The following RUFY2 variants were observed in gnomAD, a reference collection of about 807,000 sequenced individuals.
RUFY2 encodes the protein RUN and FYVE domain-containing protein 2.
Under a neutral mutation model 94.4 loss-of-function variants are expected in RUFY2, and 49 were observed. The ratio of observed to expected loss-of-function variants is 0.52; its 90% CI spans 0.41 to 0.66. The LOEUF is 0.66. Among genes scored for constraint, RUFY2 ranks in the 30% least tolerant of loss-of-function variants. The pLI is 0.00. For synonymous variants in RUFY2, 255 were observed against 235.7 expected, an observed-to-expected ratio of 1.08 and a Z score of -0.75; for missense variants, 541 against 692.8, an observed-to-expected ratio of 0.78 and a Z score of 2.46.
intron 4 of RUFY2, among the ~76,000 whole-genome samples, chr10:68,395,507 A>C (rs763826128): frequency 6.6e-6 from 1 of 152,242 alleles, no homozygotes; most frequent in Admixed American, 6.6e-5. Flanking sequence ...GAAAATGAAC[A>C]TATGCAACAT....
At chr10:68,359,370 GTA>G (rs1249609820) in intron 15 of RUFY2, among the ~76,000 whole-genome samples, 4 of 148,890 alleles carry the variant, frequency 2.7e-5, no homozygotes, top group East Asian at 2.0e-4. Flanking sequence ...ATACATATAC[GTA>G]TATATGTGTG....
chr10:68,355,578 A>G (rs1323105161), intron 15 of RUFY2, 177 bp from the exon 16 acceptor site: 2 of 461,446 alleles, frequency 4.3e-6, no homozygotes, highest in Admixed American at 8.2e-5. Context: ...TAAATGTCCT[A>G]AAGCAAAAAT....
chr10:68,387,244 C>G (rs2049575634), intron 7 of RUFY2, among the ~76,000 whole-genome samples: 1 of 152,006 alleles, frequency 6.6e-6, no homozygotes, highest in Non-Finnish European at 1.5e-5. Flanking sequence ...GTAATCCCAG[C>G]TACTTGGGTG....
Position 68,351,481 on chromosome 10 carries a change from GCT to G in RUFY2, c.1599+3870_1599+3871del, listed in dbSNP as rs537146280. ...TTTTTTTTTTTTGAGACGGAATCTTGCTCTGTCGCCCAGGCGGGAGTGCAGTG... is the reference window on the plus strand; with the variant it reads ...TTTTTTTTTTTTGAGACGGAATCTTGCTGTCGCCCAGGCGGGAGTGCAGTG... On this transcript the variant is annotated intron_variant, in intron 16 of 17. Transcript: ENST00000602465. Among the ~76,000 whole-genome samples the G allele has an allele frequency of 1.5e-4, 17 of 112,010 alleles. 1 individual carries two copies. The South Asian group carries it at 4.7e-3, about 31-fold the overall frequency. 73.5% of individuals were successfully genotyped at this position (112,010 alleles called of 152,430 possible).
rs1251811723 is a variant in RUFY2, at chr10:68,344,153, GCTGA to G, written c.*1611_*1614del. 6.6e-6 allele frequency: 1 copy of G among 152,064 alleles called. No individual in the cohort carries two copies. Among genetic ancestry groups the G allele is most frequent in the African/African-American group, 2.4e-5 (1 of 41,414 alleles). The allele number at this position is 152,064 out of a possible 1,614,324, so 9.4% of individuals were successfully genotyped here. On this transcript the variant is annotated 3_prime_UTR_variant, in exon 18 of 18. Coordinates refer to ENST00000602465, the MANE Select transcript of RUFY2 (RefSeq NM_001330103.2). ...CTGTGTCACATCTGACACCTCAAAAGCTGACTGGAAATTTACGGGTTTTGGAAAA... is the reference window on the plus strand; with the variant it reads ...CTGTGTCACATCTGACACCTCAAAAGCTGGAAATTTACGGGTTTTGGAAAA...
intron 13 of RUFY2, among the ~76,000 whole-genome samples, chr10:68,372,911 A>G (rs1318427541): frequency 6.6e-6 from 1 of 152,028 alleles, no homozygotes; most frequent in Non-Finnish European, 1.5e-5. Context: ...CTGTATCAAA[A>G]AAAAAAAAGA....
intron 16 of RUFY2, 72 bp from the exon 17 acceptor site, chr10:68,346,156 G>T: frequency 1.8e-6 from 2 of 1,140,516 alleles, no homozygotes; most frequent in South Asian, 2.8e-5. Flanking sequence ...TTTCCCCCAA[G>T]AACATTATTT....
intron 4 of RUFY2, among the ~76,000 whole-genome samples, chr10:68,395,622 T>C (rs1589976133): frequency 6.6e-6 from 1 of 152,136 alleles, no homozygotes; most frequent in African/African-American, 2.4e-5. Context: ...CTAAAAACTG[T>C]TGAAAAAGAG....
In RUFY2 at chr10:68,398,284, A is replaced by G. The variant is rs191098344; in HGVS notation, c.297-1403T>C. Among the ~76,000 whole-genome samples the G allele has an allele frequency of 1.6e-4, 24 of 152,284 alleles. 1 individual carries two copies. The highest frequency in any genetic ancestry group is 8.5e-4 in the Admixed American group (13 of 15,284). ...ATCACTGTGCTGCTTACTGGTTTTC[A>G]AATGTTTCTTTAATTTGGTTGCATT... is the stretch of plus-strand genomic sequence containing the variant. On this transcript the variant is annotated intron_variant, in intron 3 of 17. Transcript: ENST00000602465.
Position 68,343,846 on chromosome 10 carries a change from G to GTGTT in RUFY2, c.*1918_*1921dup, listed in dbSNP as rs1491099109. 2.4e-4 allele frequency: 34 copies of GTGTT among 144,484 alleles called. No individual in the cohort carries two copies. The highest frequency in any genetic ancestry group is 4.5e-4 in the Non-Finnish European group (30 of 66,742). The allele number at this position is 144,484 out of a possible 1,614,324, so 9.0% of individuals were successfully genotyped here. A position where few individuals can be genotyped will look rare whatever the true frequency, so the allele number is the denominator to read the frequency against. The stretch of plus-strand genomic sequence containing the variant: ...AAAAAAAAAAAAAGCAAGTCAGTCA[G>GTGTT]TGTTGATACATGAGTTTTGAAAAGT... On this transcript the variant is annotated 3_prime_UTR_variant, in exon 18 of 18. Coordinates refer to ENST00000602465, the MANE Select transcript of RUFY2 (RefSeq NM_001330103.2).
intron 16 of RUFY2, among the ~76,000 whole-genome samples, chr10:68,354,512 C>A (rs1417571979): frequency 2.6e-5 from 4 of 152,160 alleles, no homozygotes; most frequent in Admixed American, 2.0e-4. Flanking sequence ...GGGTAGGAAG[C>A]CACCTATCAC....
intron 15 of RUFY2, 133 bp downstream of exon 15, chr10:68,363,457 G>T: frequency 1.8e-6 from 1 of 558,216 alleles, no homozygotes; most frequent in Non-Finnish European, 3.0e-6. Context: ...GGGGATTACA[G>T]GCGTGAACCA....
intron 7 of RUFY2, among the ~76,000 whole-genome samples, chr10:68,388,809 CTG>C (rs1444431641): frequency 7.1e-6 from 1 of 140,722 alleles, no homozygotes; most frequent in Non-Finnish European, 1.5e-5. Context: ...GCACTCCAGC[CTG>C]TGTTGACACC....
At chr10:68,388,585 C>A (rs1357534710) in intron 7 of RUFY2, among the ~76,000 whole-genome samples, 1 of 151,956 alleles carries the variant, frequency 6.6e-6, no homozygotes, top group Non-Finnish European at 1.5e-5. Flanking sequence ...ATCTATAATA[C>A]CAACACTTTA....
chr10:68,359,406 A>G (rs117858911), intron 15 of RUFY2, among the ~76,000 whole-genome samples: 74 of 97,638 alleles, frequency 7.6e-4, no homozygotes, highest in Middle Eastern at 4.6e-3. Context: ...ATATACATAT[A>G]TAAATATGTG....
intron 15 of RUFY2, among the ~76,000 whole-genome samples, chr10:68,360,524 A>G (rs532942857): frequency 6.6e-6 from 1 of 152,176 alleles, no homozygotes; most frequent in East Asian, 1.9e-4. Context: ...CGGGCAGATC[A>G]CGAGGTCAGG....
chr10:68,341,564 CTCTT>C (rs534127402), downstream of RUFY2: 464 of 1,499,648 alleles, frequency 3.1e-4, 1 homozygote, highest in African/African-American at 5.0e-3. Flanking sequence ...TCCCCTGTTA[CTCTT>C]TCTTTTTTTC....
chr10:68,383,934 T>A lies in RUFY2; in HGVS notation c.823-20A>T. 1 of 1,597,310 alleles carries A rather than the reference T, an allele frequency of 6.3e-7. No homozygotes were observed. Among genetic ancestry groups the A allele is most frequent in the Non-Finnish European group, 8.6e-7 (1 of 1,166,222 alleles). On this transcript the variant is annotated intron_variant, in intron 9 of 17. Coordinates refer to ENST00000602465, the MANE Select transcript of RUFY2 (RefSeq NM_001330103.2). ...GGTAACCTAGGAAGAAAACAAAATTTTTCATTCTATAATCACTACTATTAA... is the reference window on the plus strand; with the variant it reads ...GGTAACCTAGGAAGAAAACAAAATTATTCATTCTATAATCACTACTATTAA...
intron 16 of RUFY2, among the ~76,000 whole-genome samples, chr10:68,354,063 G>C (rs1291382531): frequency 6.6e-6 from 1 of 152,038 alleles, no homozygotes; most frequent in Non-Finnish European, 1.5e-5. Flanking sequence ...GCTCCCTTTG[G>C]GTGGCAGGAG....
Sources: gnomAD v4.1 joint callset for allele counts (sites outside exome capture counted in the v4.1 genomes callset) on GRCh38, gnomAD v4.1.1 for gene constraint, MANE v1.5 for transcripts, NCBI Gene and HGNC (gene_info 2026-07-23, HGNC 2026-07-21) for gene names.